The following TBCK variants were observed in gnomAD, a reference collection of about 807,000 sequenced individuals.
TBCK encodes the protein TBC1 domain containing kinase.
Under a neutral mutation model 113.4 loss-of-function variants are expected in TBCK, and 99 were observed. That is an observed-to-expected ratio of 0.87 (90% CI 0.74 to 1.03). TBCK has a LOEUF of 1.03. Among genes scored for constraint, TBCK ranks in the 50% least tolerant of loss-of-function variants. The pLI, the probability that TBCK is intolerant of heterozygous loss-of-function variation, is 0.00. For synonymous variants in TBCK, 369 were observed against 370.8 expected, an observed-to-expected ratio of 1.00 and a Z score of 0.05; for missense variants, 1,045 against 1,061.3, an observed-to-expected ratio of 0.98 and a Z score of 0.21.
At chr4:106,252,111 T>C (rs548899978) in intron 5 of TBCK, 104 bp from the exon 6 acceptor site, 21 of 877,578 alleles carry the variant, frequency 2.4e-5, no homozygotes, top group African/African-American at 3.4e-5. Context: ...CTCATGCAAT[T>C]AAATTAACAA....
intron 23 of TBCK, among the ~76,000 whole-genome samples, chr4:106,126,684 T>A (rs976424769): frequency 6.6e-6 from 1 of 152,208 alleles, no homozygotes; most frequent in African/African-American, 2.4e-5. Context: ...ATTAAATGAT[T>A]CTGCAGAGCA....
intron 3 of TBCK, among the ~76,000 whole-genome samples, chr4:106,278,869 C>A (rs1764289335): frequency 6.6e-6 from 1 of 151,638 alleles, no homozygotes; most frequent in South Asian, 2.1e-4. Context: ...ATTGCAATAA[C>A]CCAAAAAATA....
chr4:106,191,623 T>G (rs902408784), intron 22 of TBCK, among the ~76,000 whole-genome samples: 1 of 152,178 alleles, frequency 6.6e-6, no homozygotes, highest in African/African-American at 2.4e-5. Context: ...ATTGAGATGT[T>G]AGGAGCAGGG....
chr4:106,199,571 T>C (rs1754646760), intron 20 of TBCK, among the ~76,000 whole-genome samples: 1 of 152,206 alleles, frequency 6.6e-6, no homozygotes, highest in Non-Finnish European at 1.5e-5. Flanking sequence ...TCCACTTGCA[T>C]GTCTAACAGA....
chr4:106,218,458 G>A (rs1462735929), intron 19 of TBCK, among the ~76,000 whole-genome samples: 3 of 145,286 alleles, frequency 2.1e-5, no homozygotes, highest in South Asian at 2.3e-4. Context: ...GAAAATATTC[G>A]CAACCTACTC....
intron 1 of TBCK, among the ~76,000 whole-genome samples, chr4:106,309,303 CTCTT>C (rs1767909010): frequency 7.7e-6 from 1 of 130,052 alleles, no homozygotes; most frequent in Non-Finnish European, 1.6e-5. Context: ...TAAGGCTCTT[CTCTT>C]TTTTTTTTTT....
intron 1 of TBCK, among the ~76,000 whole-genome samples, chr4:106,313,203 A>G (rs1768380182): frequency 6.6e-6 from 1 of 152,202 alleles, no homozygotes; most frequent in Non-Finnish European, 1.5e-5. Flanking sequence ...TCTGCTATCA[A>G]CAAGTTAAAG....
At chr4:106,084,772 T>C (rs1367165551) in intron 25 of TBCK, among the ~76,000 whole-genome samples, 2 of 152,204 alleles carry the variant, frequency 1.3e-5, no homozygotes, top group Non-Finnish European at 2.9e-5. Flanking sequence ...CAGAAGAGAC[T>C]GGGGGCTAAT....
intron 19 of TBCK, among the ~76,000 whole-genome samples, chr4:106,227,596 C>T (rs1241745714): frequency 1.3e-5 from 2 of 151,806 alleles, no homozygotes; most frequent in Non-Finnish European, 2.9e-5. Flanking sequence ...TCCTACTTCA[C>T]TTATGAAAAC....
chr4:106,179,519 G>A (rs1240639241), intron 22 of TBCK, among the ~76,000 whole-genome samples: 2 of 151,944 alleles, frequency 1.3e-5, no homozygotes, highest in Non-Finnish European at 2.9e-5. Flanking sequence ...TTGCTATTCA[G>A]AAGCACATCA....
intron 19 of TBCK, among the ~76,000 whole-genome samples, chr4:106,224,966 T>G (rs1000645556): frequency 2.0e-5 from 3 of 152,174 alleles, no homozygotes; most frequent in East Asian, 1.9e-4. Flanking sequence ...TGTGCTAACA[T>G]AATAGTATGT....
intron 23 of TBCK, among the ~76,000 whole-genome samples, chr4:106,160,965 T>C (rs1234785922): frequency 6.6e-6 from 1 of 152,002 alleles, no homozygotes; most frequent in Non-Finnish European, 1.5e-5. Flanking sequence ...ACCAAAACTA[T>C]ATGATTCCAA....
intron 25 of TBCK, among the ~76,000 whole-genome samples, chr4:106,054,261 C>T (rs1363073782): frequency 1.3e-5 from 2 of 151,704 alleles, no homozygotes; most frequent in African/African-American, 4.8e-5. Flanking sequence ...GTCCAAACCA[C>T]CATCATCTCT....
At chr4:106,114,256 G>A (rs1305559666) in intron 24 of TBCK, among the ~76,000 whole-genome samples, 1 of 152,122 alleles carries the variant, frequency 6.6e-6, no homozygotes, top group Non-Finnish European at 1.5e-5. Flanking sequence ...AAGGCGGGGA[G>A]GTTTTACAAC....
intron 19 of TBCK, among the ~76,000 whole-genome samples, chr4:106,216,480 A>G (rs1289519993): frequency 2.0e-5 from 3 of 152,186 alleles, no homozygotes; most frequent in Non-Finnish European, 4.4e-5. Flanking sequence ...CAAGAATAAT[A>G]AAGAAAAAAA....
At chr4:106,261,643 G>A (rs984519985) in intron 4 of TBCK, among the ~76,000 whole-genome samples, 5 of 152,028 alleles carry the variant, frequency 3.3e-5, no homozygotes, top group Admixed American at 2.6e-4. Flanking sequence ...AATAGTAAAA[G>A]GAGGTAGGCA....
At chr4:106,256,357 C>G (rs529188179) in intron 5 of TBCK, among the ~76,000 whole-genome samples, 2 of 152,194 alleles carry the variant, frequency 1.3e-5, no homozygotes, top group Admixed American at 6.5e-5. Context: ...CCTCAGCCCC[C>G]CTTCAGACTC....
intron 1 of TBCK, among the ~76,000 whole-genome samples, chr4:106,311,818 A>C (rs1306510607): frequency 1.3e-5 from 2 of 152,192 alleles, no homozygotes; most frequent in Non-Finnish European, 2.9e-5. Context: ...AAAGCAAAAG[A>C]GTTCAACAGG....
intron 20 of TBCK, among the ~76,000 whole-genome samples, chr4:106,207,588 GT>G (rs1755674630): frequency 1.3e-5 from 2 of 152,226 alleles, no homozygotes; most frequent in African/African-American, 4.8e-5. Context: ...GTTAAAAAAT[GT>G]TTTTAAAAGT....
Sources: gnomAD v4.1 joint callset for allele counts (sites outside exome capture counted in the v4.1 genomes callset) on GRCh38, gnomAD v4.1.1 for gene constraint, MANE v1.5 for transcripts, NCBI Gene and HGNC (gene_info 2026-07-23, HGNC 2026-07-21) for gene names.